The following ZNF335 variants were observed in gnomAD, a reference collection of about 807,000 sequenced individuals.
The protein encoded by ZNF335 is zinc finger protein 335, also known as NRC-interacting factor 1.
In ZNF335, 84 loss-of-function variants were observed where a neutral mutation model predicts 145.6. That is an observed-to-expected ratio of 0.58 (90% confidence interval 0.48 to 0.69). ZNF335 has a LOEUF of 0.69. ZNF335 is among the 30% of genes least tolerant of loss of function. ZNF335 has a pLI of 0.00. For synonymous variants in ZNF335, 761 were observed against 717.0 expected (o/e 1.06, Z -0.98); for missense variants, 1,865 against 1,809.7 (o/e 1.03, Z -0.55).
chr20:45,960,336 T>G lies in ZNF335; in HGVS notation c.1892A>C (p.Glu631Ala). 11 of 1,614,132 alleles carry G rather than the reference T, an allele frequency of 6.8e-6. No individual in the cohort carries two copies. The highest frequency in any genetic ancestry group is 9.3e-6 in the Non-Finnish European group (11 of 1,180,000). ...FKCEFCEFVC[E>A]DKKALLNHQL... The stretch of plus-strand genomic sequence containing the variant: ...GTGGTTCAGCAGTGCCTTCTTGTCT[T>G]CACAAACAAACTCACAGAACTCACA... The change falls in exon 14 of 28, where the codon GAA (glutamate) becomes GCA (alanine). Residue 631 changes from glutamate (E) to alanine (A), a missense_variant. Coordinates refer to ENST00000322927, the MANE Select transcript of ZNF335 (RefSeq NM_022095.4).
intron 6 of ZNF335, among the ~76,000 whole-genome samples, chr20:45,966,094 A>G (rs929345762): frequency 6.6e-6 from 1 of 151,758 alleles, no homozygotes; most frequent in Non-Finnish European, 1.5e-5. Context: ...AAGTCCACAA[A>G]CTCTACGGCT....
chr20:45,949,701 C>CA (rs2083592334), intron 24 of ZNF335, 99 bp downstream of exon 24: 1 of 1,505,520 alleles, frequency 6.6e-7, no homozygotes. Flanking sequence ...GCATGGACCC[C>CA]AGGAGGGGTG....
At chr20:45,959,997 G>A (rs2083805265) in intron 14 of ZNF335, among the ~76,000 whole-genome samples, 1 of 152,352 alleles carries the variant, frequency 6.6e-6, no homozygotes, top group African/African-American at 2.4e-5. Context: ...GACCGGCCCA[G>A]AGCCATCCAG....
chr20:45,954,000 G>A (rs972473333), intron 17 of ZNF335, 52 bp from the exon 18 acceptor site: 2 of 1,521,604 alleles, frequency 1.3e-6, no homozygotes, highest in Non-Finnish European at 1.8e-6. Context: ...AGAGGAGCGG[G>A]TATGCAAGAC....
At position 45,971,746 on chromosome 20, in the gene ZNF335, A is replaced by C. The variant is rs1046792973; in HGVS notation, c.-50-286T>G. 48 of 985,236 alleles carry C rather than the reference A, an allele frequency of 4.9e-5. No individual in the cohort carries two copies. In the African/African-American group the frequency reaches 7.9e-4, roughly 16 times the overall value. 61.0% of individuals were successfully genotyped at this position (985,236 alleles called of 1,614,324 possible). A position where few individuals can be genotyped will look rare whatever the true frequency, so the allele number is the denominator to read the frequency against. On this transcript the variant is annotated intron_variant, in intron 1 of 27. Coordinates refer to ENST00000322927, the MANE Select transcript of ZNF335 (RefSeq NM_022095.4). Reference sequence around the variant, plus strand: ...TGGAGCGTTCCGCTCTGTGAGCCCCATCCGGGCCCAGTGGTTCAGCCCTTC... The same window carrying C: ...TGGAGCGTTCCGCTCTGTGAGCCCCCTCCGGGCCCAGTGGTTCAGCCCTTC...
At chr20:45,961,228 T>G (rs545964478) in intron 10 of ZNF335, among the ~76,000 whole-genome samples, 2 of 152,100 alleles carry the variant, frequency 1.3e-5, no homozygotes, top group South Asian at 4.2e-4. Context: ...AAAAAATTAG[T>G]AAATAATAAA....
intron 18 of ZNF335, among the ~76,000 whole-genome samples, chr20:45,953,099 G>A (rs890826454): frequency 3.2e-4 from 49 of 152,320 alleles, no homozygotes; most frequent in African/African-American, 1.2e-3. Context: ...TGGCCGCCCA[G>A]GTGCTGGCCA....
rs2083597740 is a variant in ZNF335, at chr20:45,949,921, C to A, written c.3592-44G>T. 6.8e-6 allele frequency: 11 copies of A among 1,613,986 alleles called. No homozygotes were observed. In the South Asian group the frequency reaches 1.1e-4, roughly 16 times the overall value. Reference sequence around the variant, plus strand: ...CTCTAGCCTCATTTCTCTACCCCAACCCCTGCCTGTCGCTGGCCAGAGGGC... The same window carrying A: ...CTCTAGCCTCATTTCTCTACCCCAAACCCTGCCTGTCGCTGGCCAGAGGGC... On this transcript the variant is annotated intron_variant, in intron 23 of 27. Coordinates refer to ENST00000322927, the MANE Select transcript of ZNF335 (RefSeq NM_022095.4).
At chr20:45,953,587 G>A in intron 18 of ZNF335, 102 bp downstream of exon 18, 1 of 1,486,454 alleles carries the variant, frequency 6.7e-7, no homozygotes, top group Non-Finnish European at 9.2e-7. Flanking sequence ...TGTGTATTGG[G>A]ATTTTTGCCT....
At chr20:45,955,661 A>G (rs911747494) in intron 17 of ZNF335, among the ~76,000 whole-genome samples, 2 of 152,036 alleles carry the variant, frequency 1.3e-5, no homozygotes, top group African/African-American at 4.8e-5. Flanking sequence ...CCTACTAAAA[A>G]TACAAAAAAG....
chr20:45,954,173 G>A (rs1356165109), intron 17 of ZNF335, among the ~76,000 whole-genome samples: 1 of 152,196 alleles, frequency 6.6e-6, no homozygotes, highest in Non-Finnish European at 1.5e-5. Flanking sequence ...CAGAGCAGTT[G>A]TGCCCCCCAC....
chr20:45,965,523 C>G, intron 7 of ZNF335, 105 bp downstream of exon 7: 1 of 1,355,654 alleles, frequency 7.4e-7, no homozygotes, highest in South Asian at 1.5e-5. Context: ...TTTGAGACAG[C>G]TGCCCTGCAG....
In ZNF335 at chr20:45,972,138, C is replaced by T. The variant is rs1476895139; in HGVS notation, c.-67G>A. ...GAAGCTCACCCGAGGCTTTCGTAGC[C>T]ACGTTCCTCTCTGACTCCGGCATCG... On this transcript the variant is annotated 5_prime_UTR_variant, in exon 1 of 28. Coordinates refer to ENST00000322927, the MANE Select transcript of ZNF335 (RefSeq NM_022095.4). The T allele has an allele frequency of 9.3e-6, 12 of 1,289,456 alleles. No individual in the cohort carries two copies. Among genetic ancestry groups the T allele is most frequent in the East Asian group, 5.6e-5 (1 of 17,984 alleles). The allele number at this position is 1,289,456 out of a possible 1,614,324, so 79.9% of individuals were successfully genotyped here.
chr20:45,970,225 C>T (rs1374322784), intron 2 of ZNF335: 5 of 152,900 alleles, frequency 3.3e-5, no homozygotes, highest in African/African-American at 9.6e-5. Context: ...CTGGACCAAA[C>T]TTGTCTTTTC....
chr20:45,968,031 G>A lies in ZNF335; in HGVS notation c.521-4C>T, dbSNP rs372306491. The A allele has an allele frequency of 5.6e-6, 9 of 1,612,376 alleles. No individual in the cohort carries two copies. In the African/African-American group the frequency reaches 9.3e-5, roughly 17 times the overall value. The stretch of plus-strand genomic sequence containing the variant: ...ATTGGTGATGTCATGGGGGCTCCTG[G>A]GGATGGGTGAGGCAATTGGAGGGTG... On this transcript the variant is annotated splice_region_variant and splice_polypyrimidine_tract_variant and intron_variant, in intron 4 of 27. Transcript: ENST00000322927.
At position 45,967,518 on chromosome 20, in the gene ZNF335, C is replaced by G. The variant is rs750616689; in HGVS notation, c.931G>C (p.Ala311Pro). The change falls in exon 6 of 28, where the codon GCT (alanine) becomes CCT (proline). Residue 311 changes from alanine (A) to proline (P), a missense_variant. Coordinates refer to ENST00000322927, the MANE Select transcript of ZNF335 (RefSeq NM_022095.4). ...EEEDDDDIVD[A>P]GAIDDLEEDS... ...CCCTCCAGGTCATCAATGGCTCCAG[C>G]GTCTACAATGTCATCATCGTCCTCC... 1 of 1,614,070 alleles carries G rather than the reference C, an allele frequency of 6.2e-7. No individual in the cohort carries two copies. The highest frequency in any genetic ancestry group is 8.5e-7 in the Non-Finnish European group (1 of 1,180,032).
At position 45,957,688 on chromosome 20, in the gene ZNF335, G is replaced by T; in HGVS notation, c.2348-8C>A. On this transcript the variant is annotated splice_region_variant and splice_polypyrimidine_tract_variant and intron_variant, in intron 16 of 27. Transcript: ENST00000322927. ...CTGTCGACTCCTCAGCTCCTGGGTGGGGTGGGACCTAAGCCTGACAAAGTG... is the reference window on the plus strand; with the variant it reads ...CTGTCGACTCCTCAGCTCCTGGGTGTGGTGGGACCTAAGCCTGACAAAGTG... 6.2e-7 allele frequency: 1 copy of T among 1,613,990 alleles called. No individual in the cohort carries two copies. Among genetic ancestry groups the T allele is most frequent in the Non-Finnish European group, 8.5e-7 (1 of 1,179,924 alleles).
intron 17 of ZNF335, among the ~76,000 whole-genome samples, chr20:45,957,233 G>T (rs1373628144): frequency 1.3e-5 from 2 of 152,200 alleles, no homozygotes; most frequent in African/African-American, 2.4e-5. Flanking sequence ...CTTGTGGATG[G>T]AAAAGCTAGT....
chr20:45,950,527 G>T lies in ZNF335; in HGVS notation c.3258C>A (p.Asn1086Lys), dbSNP rs1280400029. The T allele has an allele frequency of 3.1e-6, 5 of 1,614,090 alleles. No homozygotes were observed. Among genetic ancestry groups the T allele is most frequent in the Non-Finnish European group, 4.2e-6 (5 of 1,180,058 alleles). ...QCSQCSFASK[N>K]KKDLRRHMLT... is the part of the protein sequence containing the mutation. ...GCATGTGCCGACGCAGGTCCTTCTT[G>T]TTCTTGGAGGCAAAGCTGCACTGGC... Residue 1086 changes from asparagine (N) to lysine (K), a missense_variant, in exon 21 of 28, where the codon AAC (asparagine) becomes AAA (lysine). Transcript: ENST00000322927.
Sources: allele counts gnomAD v4.1 joint callset (sites outside exome capture counted in the v4.1 genomes callset), GRCh38; gene constraint gnomAD v4.1.1; transcripts MANE v1.5; gene names NCBI Gene and HGNC (gene_info 2026-07-23, HGNC 2026-07-21).